The following TPSG1 variants were observed in gnomAD, a reference collection of about 807,000 sequenced individuals.
TPSG1 encodes the protein tryptase gamma 1, also known as tryptase gamma.
Under a neutral mutation model 23.8 loss-of-function variants are expected in TPSG1, and 43 were observed. The ratio of observed to expected loss-of-function variants is 1.81; its 90% CI spans 1.42 to 2.33. The LOEUF (loss-of-function observed/expected upper bound fraction) is 2.33. Among genes scored for constraint, TPSG1 ranks in the 30% most tolerant of loss-of-function variants. The pLI, the probability that TPSG1 is intolerant of heterozygous loss-of-function variation, is 0.00. For synonymous variants in TPSG1, 302 were observed against 201.3 expected (o/e 1.50, Z -4.23); for missense variants, 623 against 438.6 (o/e 1.42, Z -3.75).
At chr16:1,222,557 C>CA in intron 4 of TPSG1, 95 bp downstream of exon 4, 1 of 1,485,818 alleles carries the variant, frequency 6.7e-7, no homozygotes, top group Non-Finnish European at 9.0e-7. Flanking sequence ...TGGAAGCCAC[C>CA]AGGAGCAGGT....
intron 1 of TPSG1, chr16:1,224,890 T>C: frequency 1.7e-6 from 1 of 597,286 alleles, no homozygotes. Context: ...CAGGTCCTGC[T>C]CAGGAAAGAA....
At chr16:1,224,717 G>GTGCC in intron 1 of TPSG1, 89 bp from the exon 2 acceptor site, 1 of 1,556,950 alleles carries the variant, frequency 6.4e-7, no homozygotes, top group Non-Finnish European at 8.8e-7. Flanking sequence ...GCCTCAGGGC[G>GTGCC]GCACTGGGGT....
In TPSG1 at chr16:1,222,262, G is replaced by T; in HGVS notation, c.591C>A (p.Pro197=). ...GCTGAAGGATGCTGCCCCCGGGGCC[G>T]GGATAGTCCCGGCGGCAGGTCTCTG... The part of the protein sequence containing the change: ...VDTETCRRDY[P]GPGGSILQPD... The change falls in exon 5 of 6, where the codon CCC becomes CCA. Residue 197 remains proline (P), a synonymous_variant. Transcript: ENST00000234798. The T allele has an allele frequency of 1.2e-6, 2 of 1,612,084 alleles. No homozygotes were observed. The highest frequency in any genetic ancestry group is 1.3e-5 in the African/African-American group (1 of 75,010).
intron 4 of TPSG1, 119 bp downstream of exon 4, chr16:1,222,533 G>T (rs2141420856): frequency 1.4e-6 from 2 of 1,405,964 alleles, no homozygotes; most frequent in South Asian, 2.8e-5. Context: ...GATAGGGGCG[G>T]CCTTGGCTGG....
Position 1,221,886 on chromosome 16 carries a change from GGAA to G in TPSG1, c.865_867del (p.Phe289del). 6.2e-7 allele frequency: 1 copy of G among 1,611,770 alleles called. No homozygotes were observed. The highest frequency in any genetic ancestry group is 8.5e-7 in the Non-Finnish European group (1 of 1,179,374). ...ACTAGCAGAAGGAAGAGGCCGGGGA[GGAA>G]GAAGCCAGCCAGGAGGGGGAGCCTG... On this transcript the variant is annotated inframe_deletion, in exon 6 of 6. Transcript: ENST00000234798.
chr16:1,223,622 G>T, intron 2 of TPSG1, 28 bp from the exon 3 acceptor site: 2 of 1,527,358 alleles, frequency 1.3e-6, no homozygotes, highest in African/African-American at 1.4e-5. Context: ...GGGGTGCCTG[G>T]TGGGGATCCC....
intron 3 of TPSG1, 45 bp downstream of exon 3, chr16:1,223,378 T>C: frequency 6.5e-7 from 1 of 1,529,290 alleles, no homozygotes; most frequent in Non-Finnish European, 8.8e-7. Context: ...CATGCCCCAC[T>C]GGGGCCTGGA....
At chr16:1,224,268 G>C (rs1290251209) in intron 2 of TPSG1, 1 of 310,006 alleles carries the variant, frequency 3.2e-6, no homozygotes, top group African/African-American at 2.2e-5. Context: ...GTGTGGGGTG[G>C]GGCACCGGCT....
Position 1,222,643 on chromosome 16 carries a change from G to A in TPSG1, c.511+9C>T. The A allele has an allele frequency of 6.5e-7, 1 of 1,535,170 alleles. No homozygotes were observed. Reference sequence around the variant, plus strand: ...CCTCCATCCCAGCATCCCCACGGGGGCTCCTCACCTCCCTCCCGCGTATAG... The same window carrying A: ...CCTCCATCCCAGCATCCCCACGGGGACTCCTCACCTCCCTCCCGCGTATAG... On this transcript the variant is annotated intron_variant, in intron 4 of 5. Coordinates refer to ENST00000234798, the MANE Select transcript of TPSG1 (RefSeq NM_012467.4).
chr16:1,223,050 C>T (rs1047913145), intron 3 of TPSG1, 133 bp from the exon 4 acceptor site: 7 of 1,207,220 alleles, frequency 5.8e-6, no homozygotes, highest in East Asian at 2.6e-5. Context: ...CGCAGAAAGC[C>T]TGGGCAGTGG....
At chr16:1,225,083 G>A (rs1382420133) in intron 1 of TPSG1, 124 bp downstream of exon 1, 7 of 1,239,404 alleles carry the variant, frequency 5.6e-6, no homozygotes, top group African/African-American at 4.6e-5. Context: ...GAGACACGGG[G>A]CCCCACAGGG....
At chr16:1,222,515 G>A (rs189657068) in intron 4 of TPSG1, 137 bp downstream of exon 4, 2 of 1,329,582 alleles carry the variant, frequency 1.5e-6, no homozygotes, top group Admixed American at 2.3e-5. Context: ...CTTTGAAAAG[G>A]GACAGCCGAT....
Position 1,221,926 on chromosome 16 carries a change from C to A in TPSG1, c.828G>T (p.Glu276Asp). ...GGAGGGGGAGCCTGGGGTACCCAGA[C>A]TCTGAGCCCCCTGATGCTGTGATGT... is the stretch of plus-strand genomic sequence containing the variant. ...RRHITASGGS[E>D]SGYPRLPLLA... The change falls in exon 6 of 6, where the codon GAG becomes GAT. Residue 276 changes from glutamate (E) to aspartate (D), a missense_variant. Coordinates refer to ENST00000234798, the MANE Select transcript of TPSG1 (RefSeq NM_012467.4). The A allele has an allele frequency of 6.2e-7, 1 of 1,611,590 alleles. No individual in the cohort carries two copies. Among genetic ancestry groups the A allele is most frequent in the Non-Finnish European group, 8.5e-7 (1 of 1,179,122 alleles).
chr16:1,222,226 C>G lies in TPSG1; in HGVS notation c.627G>C (p.Leu209=), dbSNP rs749117814. ...PGGSILQPDM[L]CARGPGDACQ... is the part of the protein sequence containing the mutation. ...AGGCATCCCCGGGGCCCCGGGCACA[C>G]AGCATGTCGGGCTGAAGGATGCTGC... Residue 209 remains leucine (L), a synonymous_variant, in exon 5 of 6, where the codon CTG becomes CTC. Transcript: ENST00000234798. 1 of 1,611,942 alleles carries G rather than the reference C, an allele frequency of 6.2e-7. No homozygotes were observed. Among genetic ancestry groups the G allele is most frequent in the Admixed American group, 1.7e-5 (1 of 59,970 alleles).
chr16:1,222,510 A>G (rs1970545825), intron 4 of TPSG1, 142 bp downstream of exon 4: 2 of 1,324,586 alleles, frequency 1.5e-6, no homozygotes, highest in African/African-American at 2.9e-5. Flanking sequence ...ACAGGCTTTG[A>G]AAAGGGACAG....
In TPSG1 at chr16:1,223,054, G is replaced by T. The variant is rs914837693; in HGVS notation, c.246-137C>A. ...TAGGCTTGGGACGCAGAAAGCCTGG[G>T]CAGTGGCCTCACCCTGCAGGGCCCA... On this transcript the variant is annotated intron_variant, in intron 3 of 5. Transcript: ENST00000234798. The T allele has an allele frequency of 5.4e-5, 64 of 1,176,274 alleles. No homozygotes were observed. In the Middle Eastern group the frequency reaches 8.9e-4, roughly 16 times the overall value. 72.9% of individuals were successfully genotyped at this position (1,176,274 alleles called of 1,614,324 possible).
chr16:1,224,006 CG>C (rs1451068634), intron 2 of TPSG1: 7 of 222,622 alleles, frequency 3.1e-5, no homozygotes, highest in East Asian at 1.4e-4. Flanking sequence ...ATTCGGGGGG[CG>C]GGGGGCAGAC....
chr16:1,222,443 C>G (rs1259114995), intron 4 of TPSG1, 102 bp from the exon 5 acceptor site: 4 of 1,264,468 alleles, frequency 3.2e-6, no homozygotes, highest in Non-Finnish European at 4.4e-6. Flanking sequence ...CACCACGACC[C>G]TCGTCACGGC....
rs774583554 is a variant in TPSG1 at position 1,221,999 on chromosome 16, G to A, written c.755C>T (p.Pro252Leu). The A allele has an allele frequency of 1.8e-5, 29 of 1,612,480 alleles. No homozygotes were observed. In the African/African-American group the frequency reaches 2.0e-4, roughly 11 times the overall value. Residue 252 changes from proline to leucine, a missense_variant, in exon 6 of 6, where the codon CCG becomes CTG. Coordinates refer to ENST00000234798, the MANE Select transcript of TPSG1 (RefSeq NM_012467.4). ...GGCAGGGACACGAGTGTAGACTCCC[G>A]GCCTGTTGGGGCGGCCGCAGCCCTC... ...WGEGCGRPNR[P>L]GVYTRVPAYV... is the part of the protein sequence containing the mutation.
Sources: allele counts gnomAD v4.1 joint callset, GRCh38; gene constraint gnomAD v4.1.1; transcripts MANE v1.5; gene names NCBI Gene and HGNC (gene_info 2026-07-23, HGNC 2026-07-21).